Variants in EIF4B observed in about 807,000 individuals in gnomAD.
The protein encoded by EIF4B is eukaryotic translation initiation factor 4B.
EIF4B carries 8 observed loss-of-function variants against 79.3 expected under a neutral mutation model. The ratio of observed to expected loss-of-function variants is 0.10; its 90% CI spans 0.06 to 0.18. EIF4B has a LOEUF of 0.18. Among genes scored for constraint, EIF4B ranks in the 10% least tolerant of loss-of-function variants. EIF4B has a pLI of 1.00. For missense variants in EIF4B, 515 were observed against 792.4 expected, an observed-to-expected ratio of 0.65 and a Z score of 4.20; for synonymous variants, 238 against 274.7, an observed-to-expected ratio of 0.87 and a Z score of 1.32.
At chr12:53,019,361 T>C (rs1425561722) in intron 3 of EIF4B, among the ~76,000 whole-genome samples, 2 of 150,468 alleles carry the variant, frequency 1.3e-5, no homozygotes, top group African/African-American at 4.9e-5. Flanking sequence ...ATTGCGCCAT[T>C]GCACTCCAGC....
At position 53,037,895 on chromosome 12, in the gene EIF4B, C is replaced by T. The variant is rs1943565701; in HGVS notation, c.1520+273C>T. 6 of 466,310 alleles carry T rather than the reference C, an allele frequency of 1.3e-5. No homozygotes were observed. The East Asian group carries it at 2.0e-4, about 16-fold the overall frequency. 28.9% of individuals were successfully genotyped at this position (466,310 alleles called of 1,614,324 possible). A position where few individuals can be genotyped will look rare whatever the true frequency, so the allele number is the denominator to read the frequency against. Reference sequence around the variant, plus strand: ...TAAGTCAGAGGCTTCCCTTTTGCCACATATTGGCAGTATGGTAGGGGGTAA... The same window carrying T: ...TAAGTCAGAGGCTTCCCTTTTGCCATATATTGGCAGTATGGTAGGGGGTAA... On this transcript the variant is annotated intron_variant, in intron 11 of 14. Transcript: ENST00000262056.
Position 53,034,681 on chromosome 12 carries a change from A to C in EIF4B, c.1278A>C (p.Gln426His), listed in dbSNP as rs1454225360. Residue 426 changes from glutamine (Q) to histidine (H), a missense_variant, in exon 10 of 15, where the codon CAA (glutamine) becomes CAC (histidine). Coordinates refer to ENST00000262056, the MANE Select transcript of EIF4B (RefSeq NM_001417.7). ...CGAGGACAGGAAGTGAGTCATCACA[A>C]ACTGGGACCTCCACCACATCTAGCA... The part of the protein sequence containing the change: ...ERSRTGSESS[Q>H]TGTSTTSSRN... The C allele has an allele frequency of 5.0e-6, 8 of 1,613,922 alleles. No individual in the cohort carries two copies. The highest frequency in any genetic ancestry group is 5.9e-6 in the Non-Finnish European group (7 of 1,179,908).
chr12:53,006,936 A>AG (rs1343666732), intron 1 of EIF4B, among the ~76,000 whole-genome samples: 10 of 65,266 alleles, frequency 1.5e-4, no homozygotes, highest in Middle Eastern at 0.01. Context: ...AGTGGGGGGT[A>AG]GGGGAGTAAG....
intron 6 of EIF4B, among the ~76,000 whole-genome samples, chr12:53,026,497 A>T (rs10783555): frequency 6.6e-6 from 1 of 152,106 alleles, no homozygotes; most frequent in Admixed American, 6.5e-5. Flanking sequence ...TTATTTCCTC[A>T]GTGAATTTCA....
chr12:53,034,079 G>A (rs372699601), intron 9 of EIF4B, 45 bp downstream of exon 9: 9 of 1,546,484 alleles, frequency 5.8e-6, no homozygotes, highest in East Asian at 2.4e-5. Flanking sequence ...CCGGTGGTTC[G>A]TAATGGGGGC....
chr12:53,027,649 A>G, intron 6 of EIF4B, 133 bp from the exon 7 acceptor site: 2 of 1,423,946 alleles, frequency 1.4e-6, no homozygotes, highest in Non-Finnish European at 1.9e-6. Flanking sequence ...TTATTTCACC[A>G]GGGAAACTTT....
intron 4 of EIF4B, among the ~76,000 whole-genome samples, chr12:53,020,334 T>C (rs541060274): frequency 1.3e-5 from 2 of 152,362 alleles, no homozygotes; most frequent in South Asian, 2.1e-4. Context: ...TCAACTCTTA[T>C]GGCATTGCTT....
chr12:53,033,010 TA>T (rs1189539823), intron 8 of EIF4B, among the ~76,000 whole-genome samples: 10 of 151,452 alleles, frequency 6.6e-5, no homozygotes, highest in Non-Finnish European at 1.0e-4. Context: ...TATTTTTATT[TA>T]TTTTTATTTA....
chr12:53,019,196 C>T (rs965454337), intron 3 of EIF4B, among the ~76,000 whole-genome samples, 190 bp downstream of exon 3: 2 of 151,990 alleles, frequency 1.3e-5, no homozygotes, highest in East Asian at 1.9e-4. Context: ...GTCAGGAATT[C>T]GAGTCCAGCC....
intron 4 of EIF4B, 63 bp from the exon 5 acceptor site, chr12:53,021,743 G>T (rs1409071063): frequency 1.3e-6 from 2 of 1,592,420 alleles, no homozygotes; most frequent in African/African-American, 2.7e-5. Flanking sequence ...GACGTTCAAG[G>T]TCACTCAAGG....
At chr12:53,023,844 A>G (rs1943291198) in intron 6 of EIF4B, among the ~76,000 whole-genome samples, 1 of 152,010 alleles carries the variant, frequency 6.6e-6, no homozygotes, top group South Asian at 2.1e-4. Flanking sequence ...CAGCCTCCCA[A>G]AGTGCTGGGA....
At chr12:53,017,401 AATT>A (rs1261330814) in intron 2 of EIF4B, among the ~76,000 whole-genome samples, 3 of 152,280 alleles carry the variant, frequency 2.0e-5, no homozygotes, top group East Asian at 3.9e-4. Context: ...TGAGAACAGT[AATT>A]ATGGTGGGAA....
In EIF4B at chr12:53,034,948, GTCTC is replaced by G. The variant is rs1269135872; in HGVS notation, c.1306+245_1306+248del. On this transcript the variant is annotated intron_variant, in intron 10 of 14. Transcript: ENST00000262056. ...AAGTGTATACTTGGTTGTTAGGTTT[GTCTC>G]TCTCTTTTTTTTTTTTTTTTTTTTT... Among the ~76,000 whole-genome samples, 8 of 110,274 alleles carry G rather than the reference GTCTC, an allele frequency of 7.3e-5. No homozygotes were observed. In the South Asian group the frequency reaches 1.3e-3, roughly 18 times the overall value. The allele number at this position is 110,274 out of a possible 152,430, so 72.3% of individuals were successfully genotyped here.
At chr12:53,010,410 T>G (rs910098848) in intron 1 of EIF4B, among the ~76,000 whole-genome samples, 2 of 152,190 alleles carry the variant, frequency 1.3e-5, no homozygotes, top group African/African-American at 4.8e-5. Context: ...ATTTTTTTAC[T>G]TGAGAAGGGT....
At chr12:53,017,638 G>C (rs1205382264) in intron 2 of EIF4B, among the ~76,000 whole-genome samples, 2 of 152,120 alleles carry the variant, frequency 1.3e-5, no homozygotes, top group Non-Finnish European at 2.9e-5. Flanking sequence ...TATTGCCCAG[G>C]CTGGGGTGCA....
At chr12:53,023,779 C>T (rs1285160644) in intron 6 of EIF4B, among the ~76,000 whole-genome samples, 1 of 150,974 alleles carries the variant, frequency 6.6e-6, no homozygotes, top group Non-Finnish European at 1.5e-5. Context: ...GATGGGGTTT[C>T]TCCATGTTGG....
intron 1 of EIF4B, among the ~76,000 whole-genome samples, chr12:53,008,228 C>A (rs1943000955): frequency 6.6e-6 from 1 of 152,172 alleles, no homozygotes; most frequent in African/African-American, 2.4e-5. Flanking sequence ...GACAGCAATT[C>A]ATGTCCTTCG....
intron 8 of EIF4B, among the ~76,000 whole-genome samples, chr12:53,031,442 A>AT (rs1943444859): frequency 6.6e-6 from 1 of 152,112 alleles, no homozygotes. Context: ...TGCCTGGCTA[A>AT]TTTTGATATT....
intron 1 of EIF4B, among the ~76,000 whole-genome samples, chr12:53,011,632 A>G (rs1249401670): frequency 6.6e-6 from 1 of 152,230 alleles, no homozygotes; most frequent in African/African-American, 2.4e-5. Flanking sequence ...TGAGATAGAG[A>G]AACTCTGAGT....
Sources: gnomAD v4.1 joint callset for allele counts (sites outside exome capture counted in the v4.1 genomes callset) on GRCh38, gnomAD v4.1.1 for gene constraint, MANE v1.5 for transcripts, NCBI Gene and HGNC (gene_info 2026-07-23, HGNC 2026-07-21) for gene names.